Variants in CNTN5 observed in about 807,000 individuals in gnomAD.
CNTN5 encodes the protein contactin-5.
Under a neutral mutation model 129.1 loss-of-function variants are expected in CNTN5, and 77 were observed. The observed-to-expected ratio is 0.60, with a 90% confidence interval of 0.50 to 0.72. CNTN5 has a LOEUF of 0.72. Ranked by LOEUF, CNTN5 falls within the 30% of genes least tolerant of loss-of-function variation. The pLI, the probability that CNTN5 is intolerant of heterozygous loss-of-function variation, is 0.00. For missense variants in CNTN5, 1,478 were observed against 1,328.8 expected (o/e 1.11, Z -1.75); for synonymous variants, 509 against 465.6 (o/e 1.09, Z -1.20).
At chr11:99,641,252 C>G (rs1482068111) in intron 3 of CNTN5, among the ~76,000 whole-genome samples, 1 of 152,084 alleles carries the variant, frequency 6.6e-6, no homozygotes, top group Non-Finnish European at 1.5e-5. Flanking sequence ...AGTCTGCACA[C>G]TGAATTATCA....
intron 3 of CNTN5, among the ~76,000 whole-genome samples, chr11:99,569,490 A>G (rs999502350): frequency 3.3e-5 from 5 of 151,544 alleles, no homozygotes; most frequent in Admixed American, 2.6e-4. Flanking sequence ...ATTTTTGTAT[A>G]TTTAGTAGAG....
At chr11:99,837,289 C>T (rs1427321235) in intron 4 of CNTN5, among the ~76,000 whole-genome samples, 1 of 152,136 alleles carries the variant, frequency 6.6e-6, no homozygotes, top group Non-Finnish European at 1.5e-5. Flanking sequence ...TATTAGCCAA[C>T]ATCAGAAACT....
At chr11:100,330,118 A>C (rs1200368459) in intron 21 of CNTN5, among the ~76,000 whole-genome samples, 1 of 152,212 alleles carries the variant, frequency 6.6e-6, no homozygotes, top group Non-Finnish European at 1.5e-5. Context: ...AGTGAAATAC[A>C]CAGCACAAAT....
chr11:99,215,871 A>T (rs1860089098), intron 1 of CNTN5, among the ~76,000 whole-genome samples: 1 of 151,986 alleles, frequency 6.6e-6, no homozygotes, highest in African/African-American at 2.4e-5. Context: ...CATTTTTTTC[A>T]CTTTTAATTT....
rs1952560741 is a variant in CNTN5 at position 100,357,895 on chromosome 11, A to G, written c.*1675A>G. 1 of 151,824 alleles carries G rather than the reference A, an allele frequency of 6.6e-6. No homozygotes were observed. The highest frequency in any genetic ancestry group is 6.6e-5 in the Admixed American group (1 of 15,188). 9.4% of individuals were successfully genotyped at this position (151,824 alleles called of 1,614,324 possible). Reference sequence around the variant, plus strand: ...GGGGAAATGATGTAAGACACCCTAAACAAACAAGAAATTAGTTAAAAGACT... The same window carrying G: ...GGGGAAATGATGTAAGACACCCTAAGCAAACAAGAAATTAGTTAAAAGACT... On this transcript the variant is annotated 3_prime_UTR_variant, in exon 25 of 25. Transcript: ENST00000524871.
At chr11:100,075,594 A>C (rs1944095102) in intron 13 of CNTN5, among the ~76,000 whole-genome samples, 1 of 152,146 alleles carries the variant, frequency 6.6e-6, no homozygotes, top group Non-Finnish European at 1.5e-5. Context: ...TCTAATGGTT[A>C]TAGACTGAGA....
At chr11:99,565,106 T>G (rs1948959821) in intron 3 of CNTN5, among the ~76,000 whole-genome samples, 1 of 152,170 alleles carries the variant, frequency 6.6e-6, no homozygotes, top group Non-Finnish European at 1.5e-5. Flanking sequence ...TGTTTGGGCT[T>G]AAAGAACAAT....
intron 3 of CNTN5, among the ~76,000 whole-genome samples, chr11:99,690,218 C>A (rs1003226384): frequency 6.6e-6 from 1 of 151,980 alleles, no homozygotes; most frequent in African/African-American, 2.4e-5. Context: ...TTGCCTGGTT[C>A]ATCAAAGATC....
intron 3 of CNTN5, among the ~76,000 whole-genome samples, chr11:99,755,421 A>G (rs1475676509): frequency 6.6e-6 from 1 of 152,202 alleles, no homozygotes; most frequent in African/African-American, 2.4e-5. Flanking sequence ...TGGGCATTGT[A>G]AAAGGTATGT....
chr11:100,278,651 T>A (rs1323137801), intron 18 of CNTN5, among the ~76,000 whole-genome samples: 3 of 152,078 alleles, frequency 2.0e-5, no homozygotes, highest in Non-Finnish European at 1.5e-5. Context: ...TGTATGTTGA[T>A]TTTGTATCCT....
chr11:99,917,232 A>G (rs187197272), intron 7 of CNTN5, among the ~76,000 whole-genome samples: 223 of 152,158 alleles, frequency 1.5e-3, no homozygotes, highest in Admixed American at 3.4e-3. Flanking sequence ...TACCCCTCCA[A>G]TTGTTGAGTT....
intron 1 of CNTN5, among the ~76,000 whole-genome samples, chr11:99,201,043 T>TTTTG (rs1277839241): frequency 1.4e-5 from 2 of 145,308 alleles, no homozygotes; most frequent in Non-Finnish European, 3.0e-5. Context: ...TTTTTTTTTT[T>TTTTG]TTCCAGAGTC....
chr11:99,564,454 A>G (rs1275899762), intron 3 of CNTN5, among the ~76,000 whole-genome samples: 1 of 152,182 alleles, frequency 6.6e-6, no homozygotes, highest in Non-Finnish European at 1.5e-5. Context: ...TTTCAAATAC[A>G]GTAGCAGTGA....
At chr11:100,001,780 G>A (rs947550748) in intron 8 of CNTN5, among the ~76,000 whole-genome samples, 2 of 152,102 alleles carry the variant, frequency 1.3e-5, no homozygotes, top group African/African-American at 4.8e-5. Context: ...TACTAATGTT[G>A]ATTAACAATT....
intron 18 of CNTN5, among the ~76,000 whole-genome samples, chr11:100,287,783 A>G (rs1295800880): frequency 2.0e-5 from 3 of 152,224 alleles, no homozygotes; most frequent in Non-Finnish European, 4.4e-5. Context: ...TAAATGGACT[A>G]AATGCTCCAA....
chr11:100,345,876 A>G (rs1013260167), intron 23 of CNTN5, among the ~76,000 whole-genome samples: 1 of 152,168 alleles, frequency 6.6e-6, no homozygotes, highest in Non-Finnish European at 1.5e-5. Context: ...GACTAAAAGC[A>G]TAGAGAACCA....
At chr11:99,154,079 C>A (rs192396520) in intron 1 of CNTN5, among the ~76,000 whole-genome samples, 114 of 152,244 alleles carry the variant, frequency 7.5e-4, no homozygotes, top group African/African-American at 2.6e-3. Flanking sequence ...ATTGTGCCAG[C>A]CAAAGCCTTC....
At chr11:100,282,331 G>A (rs143175778) in intron 18 of CNTN5, among the ~76,000 whole-genome samples, 37 of 152,338 alleles carry the variant, frequency 2.4e-4, no homozygotes, top group Admixed American at 4.6e-4. Flanking sequence ...GTAGTTCTTG[G>A]AGACTAGTAG....
intron 1 of CNTN5, among the ~76,000 whole-genome samples, chr11:99,197,432 T>G (rs1858959861): frequency 6.6e-6 from 1 of 152,040 alleles, no homozygotes; most frequent in African/African-American, 2.4e-5. Context: ...TTCTCCAAAG[T>G]AAGTTAACTG....
Sources: allele counts gnomAD v4.1 joint callset (sites outside exome capture counted in the v4.1 genomes callset), GRCh38; gene constraint gnomAD v4.1.1; transcripts MANE v1.5; gene names NCBI Gene and HGNC (gene_info 2026-07-23, HGNC 2026-07-21).